CYP2W1: variants seen among roughly 807,000 people sequenced by gnomAD.
CYP2W1 encodes the protein cytochrome P450 family 2 subfamily W member 1, also known as cytochrome P450 2W1.
Under a neutral mutation model 44.9 loss-of-function variants are expected in CYP2W1, and 51 were observed. That is an observed-to-expected ratio of 1.14 (90% CI 0.91 to 1.43). CYP2W1 has a LOEUF of 1.43. CYP2W1 is among the 40% of genes most tolerant of loss of function. The pLI is 0.00. For missense variants in CYP2W1, 746 were observed against 700.0 expected (o/e 1.07, Z -0.74); for synonymous variants, 383 against 338.3 (o/e 1.13, Z -1.45).
Position 986,788 on chromosome 7 carries a change from G to T in CYP2W1, c.810G>T (p.Gln270His). 6.4e-7 allele frequency: 1 copy of T among 1,570,932 alleles called. No individual in the cohort carries two copies. ...GCAGCTATGTGGACGCCCTGATCCA[G>T]CAGGGACAGGTGTGTCGGGACCCAA... ...PVCSYVDALI[Q>H]QGQGDDPEGL... The change falls in exon 5 of 9, where the codon CAG becomes CAT. Residue 270 changes from glutamine (Q) to histidine (H), a missense_variant. By Grantham distance (24) the Gln-to-His change is conservative. Transcript: ENST00000308919.
intron 1 of CYP2W1, 49 bp from the exon 2 acceptor site, chr7:984,363 G>GC: frequency 6.5e-7 from 1 of 1,536,330 alleles, no homozygotes; most frequent in South Asian, 1.2e-5. Context: ...GACCTAAGGG[G>GC]GGTCTTGTGG....
chr7:984,168 T>C (rs1376954286), intron 1 of CYP2W1, among the ~76,000 whole-genome samples: 1 of 152,116 alleles, frequency 6.6e-6, no homozygotes, highest in Non-Finnish European at 1.5e-5. Flanking sequence ...GAATTTTGGC[T>C]AAAAAGAAAA....
rs1173769283 is a variant in CYP2W1 at position 985,406 on chromosome 7, G to A, written c.645+83G>A. The stretch of plus-strand genomic sequence containing the variant: ...GCAGGAGGACGGGGGCCCCAGTGCT[G>A]TCCCCTCTCAGCTTCTCGGCCCTCC... On this transcript the variant is annotated intron_variant, in intron 4 of 8. Coordinates refer to ENST00000308919, the MANE Select transcript of CYP2W1 (RefSeq NM_017781.3). The A allele has an allele frequency of 2.8e-6, 4 of 1,435,874 alleles. No individual in the cohort carries two copies. The Admixed American group carries it at 6.6e-5, about 24-fold the overall frequency. The allele number at this position is 1,435,874 out of a possible 1,614,324, so 88.9% of individuals were successfully genotyped here. A position where few individuals can be genotyped will look rare whatever the true frequency, so the allele number is the denominator to read the frequency against.
chr7:987,846 T>C (rs1848490486), intron 7 of CYP2W1, among the ~76,000 whole-genome samples: 1 of 147,752 alleles, frequency 6.8e-6, no homozygotes, highest in South Asian at 2.2e-4. Context: ...CTCTGTATCC[T>C]GGGGGGGTCC....
At position 988,428 on chromosome 7, in the gene CYP2W1, C is replaced by T; in HGVS notation, c.1285+10C>T. On this transcript the variant is annotated intron_variant, in intron 8 of 8. Transcript: ENST00000308919. ...CTGCCTTTCTCTGCAGGTCAGCAGC[C>T]CTCGGGGCCGGGGTGGGGCGGCACC... 3 of 1,612,326 alleles carry T rather than the reference C, an allele frequency of 1.9e-6. No homozygotes were observed. Among genetic ancestry groups the T allele is most frequent in the South Asian group, 1.1e-5 (1 of 91,002 alleles).
Position 986,748 on chromosome 7 carries a change from C to T in CYP2W1, c.770C>T (p.Pro257Leu), listed in dbSNP as rs1198151133. Residue 257 changes from proline to leucine, a missense_variant, in exon 5 of 9, where the codon CCG (proline) becomes CTG (leucine). Physicochemically the swap from Pro to Leu is moderately conservative, Grantham distance 98. Transcript: ENST00000308919. ...GAGGCGCGGAGGCCCCACGTGTGCC[C>T]GGGGGACCCCGTGTGCAGCTATGTG... ...LLEARRPHVCPGDPVCSYVDA... is the reference protein window; with the variant it reads ...LLEARRPHVCLGDPVCSYVDA... 6.8e-6 allele frequency: 11 copies of T among 1,605,900 alleles called. No individual in the cohort carries two copies. The highest frequency in any genetic ancestry group is 1.7e-5 in the Admixed American group (1 of 59,216).
chr7:983,334 C>T lies in CYP2W1; in HGVS notation c.123C>T (p.Val41=), dbSNP rs1304842014. Residue 41 remains valine, a synonymous_variant, in exon 1 of 9, where the codon GTC becomes GTT. Coordinates refer to ENST00000308919, the MANE Select transcript of CYP2W1 (RefSeq NM_017781.3). ...WPPGPRPLPL[V]GNLHLLRLSQ... is the part of the protein sequence containing the mutation. ...CGGGGCCTCGCCCGCTGCCGCTCGT[C>T]GGGAACCTGCACTTGCTGCGTCTGT... 7 of 1,539,190 alleles carry T rather than the reference C, an allele frequency of 4.5e-6. No homozygotes were observed. In the South Asian group the frequency reaches 4.8e-5, roughly 11 times the overall value.
intron 4 of CYP2W1, 192 bp from the exon 5 acceptor site, chr7:986,432 A>C: frequency 1.6e-6 from 1 of 641,358 alleles, no homozygotes; most frequent in South Asian, 2.0e-5. Context: ...CTTCCGGGAC[A>C]CGGACAGGGG....
intron 4 of CYP2W1, among the ~76,000 whole-genome samples, 194 bp downstream of exon 4, chr7:985,517 T>C (rs1848270430): frequency 6.6e-6 from 1 of 152,182 alleles, no homozygotes; most frequent in African/African-American, 2.4e-5. Context: ...CCAGCCCCTG[T>C]GCTCTCCAGG....
chr7:983,495 G>T, intron 1 of CYP2W1, 110 bp downstream of exon 1: 15 of 1,113,624 alleles, frequency 1.3e-5, no homozygotes, highest in South Asian at 2.2e-5. Flanking sequence ...ACATGGTGCC[G>T]GGCCCAGCGG....
chr7:987,493 G>C lies in CYP2W1; in HGVS notation c.1105G>C (p.Ala369Pro). The stretch of plus-strand genomic sequence containing the variant: ...CCTGCCGCACGTGCCCCGCTGCACC[G>C]CGGCCGACACACAGCTGGGCGGCTT... ...TLLPHVPRCT[A>P]ADTQLGGFLL... The change falls in exon 7 of 9, where the codon GCG becomes CCG. Residue 369 changes from alanine (A) to proline (P), a missense_variant. By Grantham distance (27) the Ala-to-Pro change is conservative (BLOSUM62 -1). Coordinates refer to ENST00000308919, the MANE Select transcript of CYP2W1 (RefSeq NM_017781.3). 6.5e-7 allele frequency: 1 copy of C among 1,546,542 alleles called. No homozygotes were observed. Among genetic ancestry groups the C allele is most frequent in the Non-Finnish European group, 8.7e-7 (1 of 1,152,440 alleles).
intron 8 of CYP2W1, 35 bp from the exon 9 acceptor site, chr7:988,600 G>T: frequency 6.2e-7 from 1 of 1,602,904 alleles, no homozygotes. Context: ...AGCAGGCCTG[G>T]TGCAGCCCAC....
intron 8 of CYP2W1, 49 bp downstream of exon 8, chr7:988,467 G>A (rs971414192): frequency 1.3e-5 from 21 of 1,608,016 alleles, no homozygotes; most frequent in Admixed American, 3.4e-5. Context: ...AGGGCTCCAG[G>A]GGTGGGACGG....
In CYP2W1 at chr7:983,254, T is replaced by C; in HGVS notation, c.43T>C (p.Trp15Arg). ...LLLFLGLLGL[W>R]GLLCACAQDP... is the part of the protein sequence containing the mutation. ...GCTGTTCCTGGGCCTCCTGGGGCTCTGGGGGCTGCTCTGCGCCTGCGCCCA... is the reference window on the plus strand; with the variant it reads ...GCTGTTCCTGGGCCTCCTGGGGCTCCGGGGGCTGCTCTGCGCCTGCGCCCA... Residue 15 changes from tryptophan (W) to arginine (R), a missense_variant, in exon 1 of 9, where the codon TGG (tryptophan) becomes CGG (arginine). Trp to Arg is a moderately radical substitution (Grantham distance 101). Transcript: ENST00000308919. 6.5e-7 allele frequency: 1 copy of C among 1,536,460 alleles called. No homozygotes were observed. Among genetic ancestry groups the C allele is most frequent in the South Asian group, 1.2e-5 (1 of 83,062 alleles).
intron 1 of CYP2W1, among the ~76,000 whole-genome samples, chr7:984,008 C>A (rs952345881): frequency 6.6e-6 from 1 of 152,126 alleles, no homozygotes. Flanking sequence ...TGCTGCTGGC[C>A]GGGCTGTAGC....
In CYP2W1 at chr7:988,733, G is replaced by A. The variant is rs139268609; in HGVS notation, c.1384G>A (p.Val462Ile). The change falls in exon 9 of 9, where the codon GTC becomes ATC. Residue 462 changes from valine (V) to isoleucine (I), a missense_variant. Val to Ile is a conservative substitution (Grantham distance 29). Coordinates refer to ENST00000308919, the MANE Select transcript of CYP2W1 (RefSeq NM_017781.3). ...QRYRLLPPPG[V>I]SPASLDTTPA... Reference sequence around the variant, plus strand: ...GTACCGCCTGCTGCCCCCGCCTGGCGTCAGTCCGGCCTCCCTGGACACCAC... The same window carrying A: ...GTACCGCCTGCTGCCCCCGCCTGGCATCAGTCCGGCCTCCCTGGACACCAC... 2.8e-5 allele frequency: 44 copies of A among 1,599,330 alleles called. No homozygotes were observed. The highest frequency in any genetic ancestry group is 1.8e-4 in the South Asian group (16 of 91,040).
chr7:987,935 G>A (rs952503439), intron 7 of CYP2W1, among the ~76,000 whole-genome samples: 5 of 139,120 alleles, frequency 3.6e-5, no homozygotes, highest in Non-Finnish European at 7.7e-5. Flanking sequence ...GTGTGTCCTG[G>A]GGGGGTCCCC....
At chr7:984,667 A>G in intron 2 of CYP2W1, 93 bp downstream of exon 2, 1 of 1,479,794 alleles carries the variant, frequency 6.8e-7, no homozygotes, top group Non-Finnish European at 9.0e-7. Context: ...AGAGGCTCCC[A>G]GGGTGGCCTG....
Position 988,849 on chromosome 7 carries a change from T to G in CYP2W1, c.*27T>G. On this transcript the variant is annotated 3_prime_UTR_variant, in exon 9 of 9. Coordinates refer to ENST00000308919, the MANE Select transcript of CYP2W1 (RefSeq NM_017781.3). ...AGCTCCCCCAGCCCCCAGGTCCTCC[T>G]GACCACTCCCCTCCCAGCCCTGGGT... The G allele has an allele frequency of 7.2e-7, 1 of 1,385,268 alleles. No homozygotes were observed. The highest frequency in any genetic ancestry group is 9.7e-7 in the Non-Finnish European group (1 of 1,029,714). 85.8% of individuals were successfully genotyped at this position (1,385,268 alleles called of 1,614,324 possible).
Sources: allele counts gnomAD v4.1 joint callset (sites outside exome capture counted in the v4.1 genomes callset), GRCh38; gene constraint gnomAD v4.1.1; transcripts MANE v1.5; gene names NCBI Gene and HGNC (gene_info 2026-07-23, HGNC 2026-07-21).